Variants in TERT observed in about 807,000 individuals in gnomAD.
TERT encodes telomerase reverse transcriptase.
Under a neutral mutation model 104.0 loss-of-function variants are expected in TERT, and 42 were observed. That is an observed-to-expected ratio of 0.40 (90% CI 0.32 to 0.52). The LOEUF is 0.52. TERT is among the 20% of genes least tolerant of loss of function. The pLI is 0.43. For synonymous variants in TERT, 781 were observed against 725.6 expected (o/e 1.08, Z -1.23); for missense variants, 1,101 against 1,610.3 (o/e 0.68, Z 5.41).
intron 2 of TERT, among the ~76,000 whole-genome samples, chr5:1,289,275 G>A (rs1371911154): frequency 6.9e-6 from 1 of 144,216 alleles, no homozygotes; most frequent in Non-Finnish European, 1.5e-5. Flanking sequence ...CCCTACACCT[G>A]AGAGGGACAC....
chr5:1,266,356 A>G, intron 10 of TERT, 108 bp downstream of exon 10: 1 of 1,018,042 alleles, frequency 9.8e-7, no homozygotes, highest in South Asian at 1.4e-5. Context: ...GCAGAGAGAG[A>G]GGACTTGGCA....
chr5:1,294,011 G>C lies in TERT; in HGVS notation c.875C>G (p.Thr292Arg), dbSNP rs1751193051. Residue 292 changes from threonine to arginine, a missense_variant, in exon 2 of 16, where the codon ACG becomes AGG. Around this residue, in one of 5 missense-constraint regions of TERT, gnomAD observed 504 missense variants for 544.6 expected, o/e 0.93. Transcript: ENST00000310581. ...GCCCACGGATGGGTGGGAGTGGCGC[G>C]TGCCAGAGAGCGCACCCTCCAAAGA... ...ATSLEGALSG[T>R]RHSHPSVGRQ... 1 of 1,586,736 alleles carries C rather than the reference G, an allele frequency of 6.3e-7. No individual in the cohort carries two copies. The highest frequency in any genetic ancestry group is 8.6e-7 in the Non-Finnish European group (1 of 1,169,270).
intron 2 of TERT, among the ~76,000 whole-genome samples, chr5:1,285,566 T>G (rs1464900388): frequency 8.8e-5 from 1 of 11,376 alleles, no homozygotes; most frequent in Non-Finnish European, 1.4e-4. Context: ...GCTACTAGAA[T>G]TTTTTTTTTT....
At chr5:1,266,071 G>A (rs1488040923) in intron 10 of TERT, among the ~76,000 whole-genome samples, 1 of 152,182 alleles carries the variant, frequency 6.6e-6, no homozygotes, top group Non-Finnish European at 1.5e-5. Context: ...CTCTCCGCAG[G>A]CTCAGGTGCA....
chr5:1,264,722 G>A, intron 10 of TERT, 130 bp from the exon 11 acceptor site: 1 of 1,045,670 alleles, frequency 9.6e-7, no homozygotes, highest in South Asian at 1.4e-5. Context: ...GGGCCTGGCA[G>A]GAGCTCTGAG....
In TERT at chr5:1,294,791, CG is replaced by C; in HGVS notation, c.198del (p.Ala67ProfsTer11). ...CCCACCTGGCGGAAGGAGGGGGCGG[CG>C]GGGGGCGGCCGTGCGTCCCAGGGCA... is the stretch of plus-strand genomic sequence containing the variant. Reference protein sequence around the residue: ...VCVPWDARPPPAAPSFRQVSC... With the variant: ...VCVPWDARPPXAAPSFRQVSC... On this transcript the variant is annotated frameshift_variant, in exon 1 of 16. Coordinates refer to ENST00000310581, the MANE Select transcript of TERT (RefSeq NM_198253.3). LOFTEE classifies it high-confidence loss of function. 4 of 1,526,790 alleles carry C rather than the reference CG, an allele frequency of 2.6e-6. No individual in the cohort carries two copies. The highest frequency in any genetic ancestry group is 3.5e-6 in the Non-Finnish European group (4 of 1,145,188). 94.6% of individuals were successfully genotyped at this position (1,526,790 alleles called of 1,614,324 possible).
intron 9 of TERT, among the ~76,000 whole-genome samples, chr5:1,267,946 C>T (rs1296825848): frequency 1.3e-5 from 2 of 151,984 alleles, no homozygotes; most frequent in Non-Finnish European, 2.9e-5. Context: ...AACTAACCTG[C>T]ACGTCGTGCA....
chr5:1,259,708 G>A (rs530071956), intron 12 of TERT, among the ~76,000 whole-genome samples: 3 of 141,768 alleles, frequency 2.1e-5, no homozygotes, highest in East Asian at 2.2e-4. Flanking sequence ...CAGGAGAGAC[G>A]AGTGGATGCA....
At chr5:1,259,102 A>ATG (rs1747978135) in intron 12 of TERT, among the ~76,000 whole-genome samples, 1 of 145,020 alleles carries the variant, frequency 6.9e-6, no homozygotes, top group African/African-American at 2.6e-5. Flanking sequence ...GGGGGAGTGG[A>ATG]CACGGACGCC....
intron 6 of TERT, among the ~76,000 whole-genome samples, chr5:1,275,079 A>G (rs1749454476): frequency 1.3e-5 from 2 of 152,332 alleles, no homozygotes; most frequent in Non-Finnish European, 2.9e-5. Flanking sequence ...CGGAAGCTGC[A>G]GGAAGCGAGT....
In TERT at chr5:1,279,414, C is replaced by G. The variant is rs1060504788; in HGVS notation, c.2007G>C (p.Arg669=). Residue 669 remains arginine, a synonymous_variant, in exon 5 of 16, where the codon CGG becomes CGC. Transcript: ENST00000310581. ...KALFSVLNYE[R]ARRPGLLGAS... Reference sequence around the variant, plus strand: ...CGCCCAGGAGGCCGGGGCGCCGCGCCCGCTCGTAGTTGAGCACGCTGAACA... The same window carrying G: ...CGCCCAGGAGGCCGGGGCGCCGCGCGCGCTCGTAGTTGAGCACGCTGAACA... 6.4e-7 allele frequency: 1 copy of G among 1,552,192 alleles called. No homozygotes were observed. Among genetic ancestry groups the G allele is most frequent in the Non-Finnish European group, 8.7e-7 (1 of 1,149,122 alleles).
Position 1,286,678 on chromosome 5 carries a change from G to T in TERT, c.1574-4054C>A, listed in dbSNP as rs1750514555. Among the ~76,000 whole-genome samples, 1 of 152,160 alleles carries T rather than the reference G, an allele frequency of 6.6e-6. No homozygotes were observed. Among genetic ancestry groups the T allele is most frequent in the African/African-American group, 2.4e-5 (1 of 41,442 alleles). On this transcript the variant is annotated intron_variant, in intron 2 of 15. Coordinates refer to ENST00000310581, the MANE Select transcript of TERT (RefSeq NM_198253.3). This position sits in a 1 kb window ranked among gnomAD's most constrained non-coding sequence, Gnocchi z 5.3. ...AGATCACTTGAGGTCAGGAGTTTGAGACCAGCCTGGCCAACATGGTGAAAG... is the reference window on the plus strand; with the variant it reads ...AGATCACTTGAGGTCAGGAGTTTGATACCAGCCTGGCCAACATGGTGAAAG...
chr5:1,293,552 G>C lies in TERT; in HGVS notation c.1334C>G (p.Pro445Arg), dbSNP rs956854933. The change falls in exon 2 of 16, where the codon CCC becomes CGC. Residue 445 changes from proline to arginine, a missense_variant. Transcript: ENST00000310581. ...GCGGAGCAGCTGCACCAGGCGACGG[G>C]GGTCTGTGTCCTCCTCCTCGGGGGC... The part of the protein sequence containing the change: ...VAAPEEEDTD[P>R]RRLVQLLRQH... 1 of 1,548,724 alleles carries C rather than the reference G, an allele frequency of 6.5e-7. No individual in the cohort carries two copies. Among genetic ancestry groups the C allele is most frequent in the Non-Finnish European group, 8.7e-7 (1 of 1,145,280 alleles).
intron 2 of TERT, among the ~76,000 whole-genome samples, chr5:1,291,665 C>T (rs1343313096): frequency 1.3e-5 from 2 of 149,592 alleles, no homozygotes; most frequent in Non-Finnish European, 3.0e-5. Context: ...TCACGCTGCA[C>T]GGGACAGGGA....
Position 1,294,905 on chromosome 5 carries a change from G to C in TERT, c.85C>G (p.Arg29Gly), listed in dbSNP as rs1024973528. Residue 29 changes from arginine (R) to glycine (G), a missense_variant, in exon 1 of 16, where the codon CGG becomes GGG. Physicochemically the swap from Arg to Gly is moderately radical, Grantham distance 125 (BLOSUM62 -2). This residue lies in a region of TERT where 87 missense variants were observed against 145.4 expected (regional missense o/e 0.60). Coordinates refer to ENST00000310581, the MANE Select transcript of TERT (RefSeq NM_198253.3). ...CGCCAGCCCTGGGGCCCCAGGCGCC[G>C]CACGAACGTGGCCAGCGGCAGCACC... is the stretch of plus-strand genomic sequence containing the variant. The part of the protein sequence containing the change: ...REVLPLATFV[R>G]RLGPQGWRLV... The C allele has an allele frequency of 7.0e-7, 1 of 1,433,250 alleles. No homozygotes were observed. The highest frequency in any genetic ancestry group is 1.4e-5 in the South Asian group (1 of 70,516). 88.8% of individuals were successfully genotyped at this position (1,433,250 alleles called of 1,614,324 possible). A position where few individuals can be genotyped will look rare whatever the true frequency, so the allele number is the denominator to read the frequency against.
rs761216166 is a variant in TERT, at chr5:1,287,034, G to A, written c.1574-4410C>T. Among the ~76,000 whole-genome samples the A allele has an allele frequency of 6.6e-6, 1 of 152,162 alleles. No homozygotes were observed. Among genetic ancestry groups the A allele is most frequent in the Non-Finnish European group, 1.5e-5 (1 of 68,032 alleles). On this transcript the variant is annotated intron_variant, in intron 2 of 15. Transcript: ENST00000310581. This position sits in a 1 kb window ranked among gnomAD's most constrained non-coding sequence, Gnocchi z 4.3. ...ACCCAAGAGGTGGTGAGAAACAAGGGAACGAGGACATGCAACAGGCAAGTG... is the reference window on the plus strand; with the variant it reads ...ACCCAAGAGGTGGTGAGAAACAAGGAAACGAGGACATGCAACAGGCAAGTG...
In TERT at chr5:1,269,153, C is replaced by T. The variant is rs1748841443; in HGVS notation, c.2469-520G>A. 6.6e-6 allele frequency among the ~76,000 whole-genome samples: 1 copy of T among 152,088 alleles called. No individual in the cohort carries two copies. The highest frequency in any genetic ancestry group is 6.6e-5 in the Admixed American group (1 of 15,260). The stretch of plus-strand genomic sequence containing the variant: ...AGACAAACAGTGAGAGCAGAATAGC[C>T]CCGTGGAACCTAAAGGTGCACACAG... On this transcript the variant is annotated intron_variant, in intron 8 of 15. Transcript: ENST00000310581. This position sits in a 1 kb window ranked among gnomAD's most constrained non-coding sequence, Gnocchi z 9.0.
Position 1,268,068 on chromosome 5 carries a change from G to A in TERT, c.2582+452C>T, listed in dbSNP as rs1748744220. ...ACGATATTTAGGTGTGTGCGTCCTT[G>A]GGTGTAGACCCCATGCAAGTGGGAT... On this transcript the variant is annotated intron_variant, in intron 9 of 15. Coordinates refer to ENST00000310581, the MANE Select transcript of TERT (RefSeq NM_198253.3). This position sits in a 1 kb window ranked among gnomAD's most constrained non-coding sequence, Gnocchi z 5.5. Among the ~76,000 whole-genome samples, 1 of 152,252 alleles carries A rather than the reference G, an allele frequency of 6.6e-6. No homozygotes were observed. Among genetic ancestry groups the A allele is most frequent in the Admixed American group, 6.5e-5 (1 of 15,286 alleles).
Position 1,253,487 on chromosome 5 carries a change from T to C in TERT, c.*241A>G. 1 of 586,996 alleles carries C rather than the reference T, an allele frequency of 1.7e-6. No individual in the cohort carries two copies. Among genetic ancestry groups the C allele is most frequent in the Non-Finnish European group, 3.0e-6 (1 of 328,202 alleles). 36.4% of individuals were successfully genotyped at this position (586,996 alleles called of 1,614,324 possible). On this transcript the variant is annotated 3_prime_UTR_variant, in exon 16 of 16. Transcript: ENST00000310581. ...TGGGGTGGAGCCGAGCGCCAGCCTGTGGGGAAGTGAAGACGGCAGGTGTGC... is the reference window on the plus strand; with the variant it reads ...TGGGGTGGAGCCGAGCGCCAGCCTGCGGGGAAGTGAAGACGGCAGGTGTGC...
Sources: gnomAD v4.1 joint callset for allele counts (sites outside exome capture counted in the v4.1 genomes callset) on GRCh38, gnomAD v4.1.1 for gene constraint, gnomAD v4.1.1 regional missense constraint, Gnocchi (gnomAD v3.1) non-coding constraint, MANE v1.5 for transcripts, NCBI Gene and HGNC (gene_info 2026-07-23, HGNC 2026-07-21) for gene names.